The following CDK13 variants were observed in gnomAD, a reference collection of about 807,000 sequenced individuals.
The protein encoded by CDK13 is cyclin dependent kinase 13.
A neutral mutation model predicts 137.6 loss-of-function variants in CDK13; 40 were observed. The ratio of observed to expected loss-of-function variants is 0.29; its 90% CI spans 0.23 to 0.38. The LOEUF is 0.38. Ranked by LOEUF, CDK13 falls within the 10% of genes least tolerant of loss-of-function variation. CDK13 has a pLI of 1.00. For synonymous variants in CDK13, 869 were observed against 760.1 expected, an observed-to-expected ratio of 1.14 and a Z score of -2.36; for missense variants, 1,704 against 1,951.8, an observed-to-expected ratio of 0.87 and a Z score of 2.39.
chr7:40,044,549 C>G (rs950280097), intron 5 of CDK13, among the ~76,000 whole-genome samples: 1 of 152,016 alleles, frequency 6.6e-6, no homozygotes, highest in African/African-American at 2.4e-5. Context: ...ATGTTCCTGA[C>G]CTCAGATGAT....
chr7:40,053,968 T>A (rs1472093605), intron 7 of CDK13, among the ~76,000 whole-genome samples: 2 of 152,148 alleles, frequency 1.3e-5, no homozygotes, highest in African/African-American at 2.4e-5. Flanking sequence ...AACCAATAAG[T>A]AGTAGAGCTC....
chr7:39,950,842 C>CGCCGCCGCA lies in CDK13; in HGVS notation c.210_218dup (p.Ala74_Ala76dup), dbSNP rs1374381388. 6 of 1,379,626 alleles carry CGCCGCCGCA rather than the reference C, an allele frequency of 4.3e-6. No individual in the cohort carries two copies. Among genetic ancestry groups the CGCCGCCGCA allele is most frequent in the Admixed American group, 7.7e-5 (2 of 26,054 alleles). 85.5% of individuals were successfully genotyped at this position (1,379,626 alleles called of 1,614,324 possible). A position where few individuals can be genotyped will look rare whatever the true frequency, so the allele number is the denominator to read the frequency against. On this transcript the variant is annotated inframe_insertion, in exon 1 of 14. Transcript: ENST00000181839. The stretch of plus-strand genomic sequence containing the variant: ...TCTTCCTGGCTGCTCCCGGCACGGC[C>CGCCGCCGCA]GCCGCCGCAGCCGCCGCCGCCGCGG...
At position 40,089,805 on chromosome 7, in the gene CDK13, A is replaced by G. The variant is rs116893728; in HGVS notation, c.3235+1474A>G. Among the ~76,000 whole-genome samples, 112 of 152,016 alleles carry G rather than the reference A, an allele frequency of 7.4e-4. 5 individuals carry two copies. The East Asian group carries it at 0.018, about 25-fold the overall frequency. On this transcript the variant is annotated intron_variant, in intron 12 of 13. Coordinates refer to ENST00000181839, the MANE Select transcript of CDK13 (RefSeq NM_003718.5). ...AAAATAGACTAGCACTTCTTAAGAG[A>G]TGAGTATATGTTGATTGATGAGTTA...
At chr7:40,057,086 C>T (rs559886500) in intron 7 of CDK13, among the ~76,000 whole-genome samples, 2 of 152,300 alleles carry the variant, frequency 1.3e-5, no homozygotes, top group South Asian at 2.1e-4. Context: ...GAAACCGCAT[C>T]TCTACTAAAA....
At chr7:39,993,267 A>G (rs921644489) in intron 2 of CDK13, among the ~76,000 whole-genome samples, 1 of 152,100 alleles carries the variant, frequency 6.6e-6, no homozygotes, top group Non-Finnish European at 1.5e-5. Flanking sequence ...GTGTTTCCCC[A>G]TATCCCATTT....
At chr7:39,956,988 A>G (rs1787426059) in intron 1 of CDK13, among the ~76,000 whole-genome samples, 1 of 151,958 alleles carries the variant, frequency 6.6e-6, no homozygotes, top group East Asian at 1.9e-4. Context: ...CTATTTTTAT[A>G]CTTGCTGTTC....
At chr7:39,960,203 T>C (rs1301226594) in intron 1 of CDK13, among the ~76,000 whole-genome samples, 1 of 127,514 alleles carries the variant, frequency 7.8e-6, no homozygotes, top group Non-Finnish European at 1.8e-5. Flanking sequence ...AAAATACCAC[T>C]TTCATTTGAT....
At chr7:40,076,336 T>C (rs1461610670) in intron 9 of CDK13, among the ~76,000 whole-genome samples, 1 of 152,182 alleles carries the variant, frequency 6.6e-6, no homozygotes, top group Non-Finnish European at 1.5e-5. Context: ...CATTGGAGAA[T>C]ACAGAAGACT....
chr7:40,011,287 C>A (rs766300830), intron 5 of CDK13, among the ~76,000 whole-genome samples: 10 of 152,186 alleles, frequency 6.6e-5, no homozygotes, highest in Non-Finnish European at 1.3e-4. Context: ...CCCTTGGAGG[C>A]CGAGGCAGGA....
intron 5 of CDK13, among the ~76,000 whole-genome samples, chr7:40,027,371 T>C (rs550769148): frequency 2.0e-5 from 3 of 152,000 alleles, no homozygotes; most frequent in Non-Finnish European, 4.4e-5. Flanking sequence ...ACAAAAAAAC[T>C]TTTATTTAAC....
chr7:39,985,546 C>G (rs1784319133), intron 1 of CDK13: 1 of 152,244 alleles, frequency 6.6e-6, no homozygotes, highest in Non-Finnish European at 1.5e-5. Context: ...TGAGGAACCT[C>G]CAAACTGTTC....
At chr7:40,005,204 T>C (rs1402025401) in intron 5 of CDK13, among the ~76,000 whole-genome samples, 4 of 150,250 alleles carry the variant, frequency 2.7e-5, no homozygotes, top group African/African-American at 9.8e-5. Context: ...ACATCATAAA[T>C]ATATTTTTTT....
chr7:39,955,942 A>G (rs1213592493), intron 1 of CDK13, among the ~76,000 whole-genome samples: 1 of 152,166 alleles, frequency 6.6e-6, no homozygotes, highest in Non-Finnish European at 1.5e-5. Context: ...TTCATTATGG[A>G]ATAATAAGAA....
intron 1 of CDK13, 99 bp downstream of exon 1, chr7:39,951,951 C>T (rs530918631): frequency 3.3e-6 from 4 of 1,224,850 alleles, no homozygotes; most frequent in African/African-American, 3.1e-5. Context: ...CGACTCAGGT[C>T]CACCACCGAG....
At chr7:40,082,790 C>CAA (rs76440638) in intron 11 of CDK13, among the ~76,000 whole-genome samples, 41 of 61,098 alleles carry the variant, frequency 6.7e-4, no homozygotes, top group South Asian at 1.0e-3. Flanking sequence ...GACTCTGCCT[C>CAA]AAAAAAAAAA....
chr7:40,059,516 G>A (rs562244655), intron 7 of CDK13, among the ~76,000 whole-genome samples: 1 of 152,096 alleles, frequency 6.6e-6, no homozygotes, highest in Non-Finnish European at 1.5e-5. Context: ...ATGCCACCAC[G>A]CCTGGCTAAT....
intron 5 of CDK13, among the ~76,000 whole-genome samples, chr7:40,012,329 C>T (rs886643263): frequency 3.3e-5 from 5 of 152,184 alleles, no homozygotes; most frequent in Admixed American, 6.5e-5. Flanking sequence ...GGTGTGGTGG[C>T]TCATAGCTAT....
At chr7:40,046,789 G>T (rs1380128059) in intron 6 of CDK13, among the ~76,000 whole-genome samples, 2 of 150,978 alleles carry the variant, frequency 1.3e-5, no homozygotes, top group Non-Finnish European at 3.0e-5. Flanking sequence ...ATCACTTGAG[G>T]CCAGGAGTTC....
chr7:40,094,071 T>A, intron 13 of CDK13, 59 bp from the exon 14 acceptor site: 2 of 1,564,958 alleles, frequency 1.3e-6, no homozygotes, highest in South Asian at 2.4e-5. Flanking sequence ...CACTGAGTAT[T>A]TTGAATATTT....
Sources: gnomAD v4.1 joint callset for allele counts (sites outside exome capture counted in the v4.1 genomes callset) on GRCh38, gnomAD v4.1.1 for gene constraint, MANE v1.5 for transcripts, NCBI Gene and HGNC (gene_info 2026-07-23, HGNC 2026-07-21) for gene names.